Variants in ACVR1 observed in about 807,000 individuals in gnomAD.
ACVR1 encodes the protein activin A receptor type 1, also known as activin receptor type-1.
ACVR1 carries 38 observed loss-of-function variants against 57.1 expected under a neutral mutation model. The ratio of observed to expected loss-of-function variants is 0.67; its 90% CI spans 0.51 to 0.87. ACVR1 has a LOEUF of 0.87. Among genes scored for constraint, ACVR1 ranks in the 40% least tolerant of loss-of-function variants. The pLI is 0.00. For synonymous variants in ACVR1, 212 were observed against 228.1 expected (o/e 0.93, Z 0.63); for missense variants, 463 against 638.2 (o/e 0.73, Z 2.96).
Position 157,737,268 on chromosome 2 carries a change from T to C in ACVR1, c.*263A>G, listed in dbSNP as rs1684567053. 2 of 545,028 alleles carry C rather than the reference T, an allele frequency of 3.7e-6. No individual in the cohort carries two copies. Among genetic ancestry groups the C allele is most frequent in the Admixed American group, 3.0e-5 (1 of 32,864 alleles). 33.8% of individuals were successfully genotyped at this position (545,028 alleles called of 1,614,324 possible). A position where few individuals can be genotyped will look rare whatever the true frequency, so the allele number is the denominator to read the frequency against. On this transcript the variant is annotated 3_prime_UTR_variant, in exon 11 of 11. Transcript: ENST00000434821. ...GATTTCTCTGTGTTCCTCCAGTCCC[T>C]ACCTTTGCAACAGTGTCTGTCCAAC...
intron 9 of ACVR1, among the ~76,000 whole-genome samples, chr2:157,741,540 G>A (rs1013103563): frequency 2.0e-5 from 3 of 151,772 alleles, no homozygotes; most frequent in East Asian, 1.9e-4. Context: ...CAGGAGAATC[G>A]CCTGAACCCA....
chr2:157,855,308 G>GTGTGTGTATATATATA (rs1307480066), intron 1 of ACVR1, among the ~76,000 whole-genome samples: 86 of 51,616 alleles, frequency 1.7e-3, no homozygotes, highest in Non-Finnish European at 2.7e-3. Context: ...GTGTGTGTGT[G>GTGTGTGTATATATATA]TATATATATA....
intron 1 of ACVR1, among the ~76,000 whole-genome samples, chr2:157,835,992 G>T (rs1257287931): frequency 2.0e-5 from 3 of 152,166 alleles, no homozygotes; most frequent in Non-Finnish European, 4.4e-5. Flanking sequence ...ACTATGAAAT[G>T]TAAAAATGAA....
intron 2 of ACVR1, among the ~76,000 whole-genome samples, chr2:157,805,463 G>A (rs181688098): frequency 1.3e-5 from 2 of 152,180 alleles, no homozygotes; most frequent in East Asian, 3.9e-4. Flanking sequence ...GCTCACCATT[G>A]GTAAGGGCTC....
intron 1 of ACVR1, among the ~76,000 whole-genome samples, chr2:157,871,953 G>A (rs1558860905): frequency 6.6e-6 from 1 of 152,170 alleles, no homozygotes; most frequent in Non-Finnish European, 1.5e-5. Context: ...TCATTTGAAT[G>A]TCCTTCCAAC....
rs1161864114 is a variant in ACVR1, at chr2:157,737,617, G to T, written c.1444C>A (p.Pro482Thr). The change falls in exon 11 of 11, where the codon CCA (proline) becomes ACA (threonine). Residue 482 changes from proline to threonine, a missense_variant. Pro to Thr is a conservative substitution (Grantham distance 38, BLOSUM62 -1). Transcript: ENST00000434821. ...KLMKECWYQN[P>T]SARLTALRIK... ...CGCAGTGCTGTGAGTCTTGCGGATGGATTTTGATACCAGCATTCTTTCATT... is the reference window on the plus strand; with the variant it reads ...CGCAGTGCTGTGAGTCTTGCGGATGTATTTTGATACCAGCATTCTTTCATT... 1.2e-6 allele frequency: 2 copies of T among 1,614,022 alleles called. No individual in the cohort carries two copies. The highest frequency in any genetic ancestry group is 1.7e-6 in the Non-Finnish European group (2 of 1,179,988).
chr2:157,856,812 T>C (rs1574154013), intron 1 of ACVR1, among the ~76,000 whole-genome samples: 2 of 152,346 alleles, frequency 1.3e-5, no homozygotes, highest in Admixed American at 1.3e-4. Context: ...GCAATACTAT[T>C]GGGCTGGTCT....
intron 8 of ACVR1, among the ~76,000 whole-genome samples, chr2:157,762,159 A>T (rs2105254300): frequency 6.6e-6 from 1 of 152,298 alleles, no homozygotes; most frequent in East Asian, 1.9e-4. Context: ...ACATTTCCCA[A>T]ATCCTATGCA....
At chr2:157,831,478 G>A (rs1559083230) in intron 1 of ACVR1, among the ~76,000 whole-genome samples, 1 of 151,938 alleles carries the variant, frequency 6.6e-6, no homozygotes, top group Non-Finnish European at 1.5e-5. Context: ...TCAAAATAAT[G>A]AGGGTGGCAG....
intron 1 of ACVR1, among the ~76,000 whole-genome samples, chr2:157,837,964 G>T (rs561492667): frequency 1.3e-5 from 2 of 152,166 alleles, no homozygotes; most frequent in African/African-American, 4.8e-5. Context: ...TTCCAGTGAG[G>T]ACAGCATTGT....
intron 9 of ACVR1, among the ~76,000 whole-genome samples, chr2:157,749,560 A>C (rs767217189): frequency 5.3e-5 from 8 of 152,232 alleles, no homozygotes; most frequent in Non-Finnish European, 1.2e-4. Context: ...GATTCACTTG[A>C]TCATTCTCCT....
chr2:157,849,841 C>T (rs1272422364), intron 1 of ACVR1, among the ~76,000 whole-genome samples: 1 of 152,226 alleles, frequency 6.6e-6, no homozygotes, highest in East Asian at 1.9e-4. Context: ...TCAACCTTAA[C>T]CTCCTACCCA....
intron 9 of ACVR1, among the ~76,000 whole-genome samples, chr2:157,744,855 G>A (rs770277443): frequency 9.2e-5 from 14 of 152,190 alleles, no homozygotes; most frequent in Non-Finnish European, 1.6e-4. Context: ...CGCTTGGCCC[G>A]GCCACACTGC....
chr2:157,764,329 C>T (rs1685779784), intron 8 of ACVR1, among the ~76,000 whole-genome samples: 1 of 151,544 alleles, frequency 6.6e-6, no homozygotes, highest in Admixed American at 6.6e-5. Context: ...ATTCCAGACG[C>T]ACGCTACCAC....
intron 1 of ACVR1, among the ~76,000 whole-genome samples, chr2:157,855,345 C>CAA (rs759192975): frequency 0.014 from 1,810 of 126,492 alleles, 45 homozygotes; most frequent in Non-Finnish European, 0.022. Context: ...CACACACACA[C>CAA]AAAAATTAGC....
chr2:157,751,236 G>C (rs1425275543), intron 9 of ACVR1, among the ~76,000 whole-genome samples: 1 of 152,204 alleles, frequency 6.6e-6, no homozygotes, highest in Non-Finnish European at 1.5e-5. Context: ...ACCTTACCTG[G>C]AGCTGAGACA....
At chr2:157,758,757 C>A (rs1395621103) in intron 9 of ACVR1, among the ~76,000 whole-genome samples, 1 of 151,910 alleles carries the variant, frequency 6.6e-6, no homozygotes, top group Non-Finnish European at 1.5e-5. Context: ...ACATTATTCT[C>A]ATCAGCACAT....
intron 6 of ACVR1, among the ~76,000 whole-genome samples, chr2:157,771,041 T>TA (rs1245779287): frequency 6.6e-6 from 1 of 152,192 alleles, no homozygotes; most frequent in East Asian, 1.9e-4. Flanking sequence ...CAATTAAGTT[T>TA]AAAATGTGTG....
chr2:157,755,323 C>T (rs1263293246), intron 9 of ACVR1, among the ~76,000 whole-genome samples: 3 of 152,014 alleles, frequency 2.0e-5, no homozygotes, highest in South Asian at 2.1e-4. Context: ...GTCTAACTGT[C>T]GCTGTTTGCT....
Sources: allele counts gnomAD v4.1 joint callset (sites outside exome capture counted in the v4.1 genomes callset), GRCh38; gene constraint gnomAD v4.1.1; transcripts MANE v1.5; gene names NCBI Gene and HGNC (gene_info 2026-07-23, HGNC 2026-07-21).